Variants in ADGB observed in about 807,000 individuals in gnomAD.
The protein encoded by ADGB is androglobin.
A neutral mutation model predicts 210.5 loss-of-function variants in ADGB; 172 were observed. The observed-to-expected ratio is 0.82, with a 90% CI of 0.72 to 0.93. The LOEUF (loss-of-function observed/expected upper bound fraction) is 0.93. Among genes scored for constraint, ADGB ranks in the 40% least tolerant of loss-of-function variants. ADGB has a pLI of 0.00. For missense variants in ADGB, 2,025 were observed against 1,964.8 expected, an observed-to-expected ratio of 1.03 and a Z score of -0.58; for synonymous variants, 658 against 662.7, an observed-to-expected ratio of 0.99 and a Z score of 0.11.
At chr6:146,698,957 C>T (rs920053052) in intron 12 of ADGB, among the ~76,000 whole-genome samples, 2 of 151,968 alleles carry the variant, frequency 1.3e-5, no homozygotes, top group Admixed American at 6.6e-5. Flanking sequence ...CAGGTTTCAA[C>T]GTCCGAATTT....
chr6:146,664,930 A>G (rs1048715228), intron 6 of ADGB, among the ~76,000 whole-genome samples: 4 of 152,018 alleles, frequency 2.6e-5, no homozygotes, highest in African/African-American at 9.7e-5. Context: ...CACATCTGCT[A>G]TGTGCTATTC....
At chr6:146,739,007 G>A (rs996173024) in intron 23 of ADGB, among the ~76,000 whole-genome samples, 8 of 152,190 alleles carry the variant, frequency 5.3e-5, no homozygotes, top group Non-Finnish European at 1.0e-4. Context: ...AACTCAGTCA[G>A]GTATATCACC....
At position 146,734,048 on chromosome 6, in the gene ADGB, T is replaced by C; in HGVS notation, c.2794+18T>C. 2 of 1,544,696 alleles carry C rather than the reference T, an allele frequency of 1.3e-6. No homozygotes were observed. Among genetic ancestry groups the C allele is most frequent in the South Asian group, 1.2e-5 (1 of 83,064 alleles). ...AATACCAGGTATGATTGTCCAAACA[T>C]TTATAAAATGAACTTGTTTGTATAA... On this transcript the variant is annotated intron_variant, in intron 22 of 35. Coordinates refer to ENST00000397944, the MANE Select transcript of ADGB (RefSeq NM_024694.4).
rs571357252 is a variant in ADGB at position 146,681,102 on chromosome 6, A to T, written c.1217-4632A>T. Among the ~76,000 whole-genome samples the T allele has an allele frequency of 1.2e-3, 178 of 152,262 alleles. 1 individual carries two copies. The highest frequency in any genetic ancestry group is 3.4e-3 in the Middle Eastern group (1 of 294). The stretch of plus-strand genomic sequence containing the variant: ...GTATTTAACAACAAAAGTCCAGGAT[A>T]TATTTTGGATATTTGTCCTCGCCCA... On this transcript the variant is annotated intron_variant, in intron 9 of 35. Transcript: ENST00000397944.
chr6:146,792,658 T>C (rs1344265926), intron 33 of ADGB, among the ~76,000 whole-genome samples: 2 of 152,004 alleles, frequency 1.3e-5, no homozygotes, highest in African/African-American at 4.8e-5. Flanking sequence ...ATCAGAGTCT[T>C]TGGACATTTG....
chr6:146,664,385 A>G (rs1775909814), intron 6 of ADGB, 45 bp downstream of exon 6: 1 of 1,505,482 alleles, frequency 6.6e-7, no homozygotes, highest in Non-Finnish European at 8.9e-7. Flanking sequence ...AAAGCAAACA[A>G]AAACATTAAC....
At chr6:146,622,234 C>A (rs1780904641) in intron 1 of ADGB, among the ~76,000 whole-genome samples, 1 of 152,050 alleles carries the variant, frequency 6.6e-6, no homozygotes, top group Admixed American at 6.6e-5. Flanking sequence ...GAAACACGAG[C>A]CATTATTTTC....
intron 23 of ADGB, among the ~76,000 whole-genome samples, chr6:146,738,014 C>A (rs987263350): frequency 3.9e-5 from 6 of 152,180 alleles, no homozygotes; most frequent in African/African-American, 1.4e-4. Context: ...CTACCTTATC[C>A]TAGCAGGCAT....
intron 5 of ADGB, among the ~76,000 whole-genome samples, chr6:146,658,376 A>G (rs888414834): frequency 6.6e-6 from 1 of 152,066 alleles, no homozygotes; most frequent in Non-Finnish European, 1.5e-5. Flanking sequence ...CAGAAGGGTG[A>G]TATTAAAAAG....
chr6:146,635,329 G>T, intron 1 of ADGB, 46 bp from the exon 2 acceptor site: 2 of 1,346,904 alleles, frequency 1.5e-6, no homozygotes, highest in Non-Finnish European at 1.9e-6. Context: ...TTTGATCTCA[G>T]AGATTTTAAT....
intron 9 of ADGB, among the ~76,000 whole-genome samples, chr6:146,681,187 G>A (rs1776152287): frequency 6.6e-6 from 1 of 152,148 alleles, no homozygotes; most frequent in South Asian, 2.1e-4. Flanking sequence ...GAGTGGACCT[G>A]AAGGCAGATC....
In ADGB at chr6:146,791,832, C is replaced by T. The variant is rs1483057032; in HGVS notation, c.4537+3222C>T. Among the ~76,000 whole-genome samples the T allele has an allele frequency of 4.1e-4, 62 of 151,614 alleles. 1 individual carries two copies. The highest frequency in any genetic ancestry group is 5.9e-5 in the Non-Finnish European group (4 of 67,918). ...GGAGTTCAGTGGCACAATAACAGCT[C>T]ATTGCAGCCTCAACCTCCTGGGCTC... On this transcript the variant is annotated intron_variant, in intron 33 of 35. Transcript: ENST00000397944.
intron 2 of ADGB, among the ~76,000 whole-genome samples, chr6:146,636,635 G>C (rs532979000): frequency 2.0e-5 from 3 of 151,502 alleles, no homozygotes; most frequent in Admixed American, 6.6e-5. Context: ...GGTGGGTGTG[G>C]GTGTGTGTGG....
intron 12 of ADGB, among the ~76,000 whole-genome samples, chr6:146,700,157 T>C (rs889510975): frequency 1.1e-4 from 16 of 152,210 alleles, no homozygotes; most frequent in African/African-American, 3.9e-4. Context: ...AGTGAGCCTT[T>C]GAAAGTGACT....
chr6:146,753,928 T>C (rs1384624777), intron 27 of ADGB, among the ~76,000 whole-genome samples: 1 of 151,730 alleles, frequency 6.6e-6, no homozygotes, highest in Non-Finnish European at 1.5e-5. Context: ...GAAATTAATT[T>C]GAGAACTTTG....
At chr6:146,790,048 T>C (rs1777932248) in intron 33 of ADGB, among the ~76,000 whole-genome samples, 1 of 152,184 alleles carries the variant, frequency 6.6e-6, no homozygotes, top group Non-Finnish European at 1.5e-5. Flanking sequence ...CTTTTTGAAA[T>C]TTCATTTTTA....
chr6:146,630,916 A>T (rs1317003540), intron 1 of ADGB, among the ~76,000 whole-genome samples: 1 of 152,186 alleles, frequency 6.6e-6, no homozygotes, highest in African/African-American at 2.4e-5. Context: ...GGTTTCTGAC[A>T]GAAGAAAACT....
In ADGB at chr6:146,683,426, T is replaced by A. The variant is rs558198137; in HGVS notation, c.1217-2308T>A. On this transcript the variant is annotated intron_variant, in intron 9 of 35. Transcript: ENST00000397944. ...TGATATTTAGTTAATAGCACCAGTA[T>A]AGTGATACCAATATTTATAATCAGC... Among the ~76,000 whole-genome samples, 25 of 152,230 alleles carry A rather than the reference T, an allele frequency of 1.6e-4. No individual in the cohort carries two copies. In the South Asian group the frequency reaches 4.8e-3, roughly 29 times the overall value.
At chr6:146,635,188 CT>C (rs1169924872) in intron 1 of ADGB, among the ~76,000 whole-genome samples, 186 bp from the exon 2 acceptor site, 3 of 151,888 alleles carry the variant, frequency 2.0e-5, no homozygotes, top group Admixed American at 2.0e-4. Flanking sequence ...GAAATAAACT[CT>C]TTGGGGTTAT....
Sources: gnomAD v4.1 joint callset for allele counts (sites outside exome capture counted in the v4.1 genomes callset) on GRCh38, gnomAD v4.1.1 for gene constraint, MANE v1.5 for transcripts, NCBI Gene and HGNC (gene_info 2026-07-23, HGNC 2026-07-21) for gene names.